The following WDPCP variants were observed in gnomAD, a reference collection of about 807,000 sequenced individuals.
WDPCP encodes the protein WD repeat-containing and planar cell polarity effector protein fritz homolog.
In WDPCP, 71 loss-of-function variants were observed where a neutral mutation model predicts 93.1. That is an observed-to-expected ratio of 0.76 (90% CI 0.63 to 0.93). The LOEUF is 0.93. Among genes scored for constraint, WDPCP ranks in the 40% least tolerant of loss-of-function variants. The pLI is 0.00. For missense variants in WDPCP, 844 were observed against 887.4 expected, an observed-to-expected ratio of 0.95 and a Z score of 0.62; for synonymous variants, 315 against 315.0, an observed-to-expected ratio of 1.00 and a Z score of 0.00.
intron 13 of WDPCP, among the ~76,000 whole-genome samples, chr2:63,277,375 A>C (rs928145374): frequency 6.6e-6 from 1 of 152,256 alleles, no homozygotes; most frequent in Non-Finnish European, 1.5e-5. Flanking sequence ...AACAAACAGC[A>C]TGATGAATAG....
chr2:63,656,366 G>A (rs1011674301), intron 2 of WDPCP, among the ~76,000 whole-genome samples: 4 of 152,326 alleles, frequency 2.6e-5, no homozygotes, highest in African/African-American at 9.6e-5. Flanking sequence ...TGGTGGCTTG[G>A]AAGTCACAGA....
intron 3 of WDPCP, chr2:63,605,471 C>A: frequency 9.7e-7 from 1 of 1,030,916 alleles, no homozygotes; most frequent in Non-Finnish European, 1.5e-6. Context: ...AGAATATAGC[C>A]TTAGCAGTCA....
chr2:63,315,564 G>A (rs1686572174), intron 12 of WDPCP, among the ~76,000 whole-genome samples: 1 of 151,914 alleles, frequency 6.6e-6, no homozygotes, highest in South Asian at 2.1e-4. Flanking sequence ...AACAAATTTA[G>A]ATCTCCATGG....
chr2:63,244,145 G>A (rs533294702), intron 14 of WDPCP, among the ~76,000 whole-genome samples: 1 of 152,212 alleles, frequency 6.6e-6, no homozygotes, highest in African/African-American at 2.4e-5. Context: ...GGGCATTAAG[G>A]CAGAAATCAA....
rs369799786 is a variant in WDPCP, at chr2:63,313,368, G to A, written c.1749-57C>T. The A allele has an allele frequency of 4.0e-6, 6 of 1,507,982 alleles. No individual in the cohort carries two copies. The African/African-American group carries it at 8.3e-5, about 21-fold the overall frequency. The allele number at this position is 1,507,982 out of a possible 1,614,324, so 93.4% of individuals were successfully genotyped here. A position where few individuals can be genotyped will look rare whatever the true frequency, so the allele number is the denominator to read the frequency against. ...GTGAACAAGAATATATAAAAGAAAA[G>A]AGCTGTTTATTTAACATATATCTGT... On this transcript the variant is annotated intron_variant, in intron 12 of 17. Coordinates refer to ENST00000272321, the MANE Select transcript of WDPCP (RefSeq NM_015910.7).
chr2:63,719,396 T>C (rs1348613560), intron 2 of WDPCP, among the ~76,000 whole-genome samples: 1 of 152,110 alleles, frequency 6.6e-6, no homozygotes, highest in Non-Finnish European at 1.5e-5. Context: ...TCTGATTTGA[T>C]AGTACCAAGC....
chr2:63,371,175 A>G (rs1032481093), intron 12 of WDPCP, among the ~76,000 whole-genome samples: 7 of 152,058 alleles, frequency 4.6e-5, no homozygotes, highest in East Asian at 1.9e-4. Context: ...TGTTTTTCCA[A>G]TTGCTCAGGT....
At chr2:63,474,646 A>T (rs1699868620) in intron 6 of WDPCP, among the ~76,000 whole-genome samples, 1 of 152,136 alleles carries the variant, frequency 6.6e-6, no homozygotes, top group Admixed American at 6.6e-5. Context: ...TCTGTATCTG[A>T]GAGGGATGGG....
intron 2 of WDPCP, among the ~76,000 whole-genome samples, chr2:63,761,391 G>T (rs573305243): frequency 3.2e-4 from 48 of 152,036 alleles, no homozygotes; most frequent in Non-Finnish European, 6.0e-4. Context: ...TCTAGCCTTT[G>T]GCATCCTGTT....
At chr2:63,494,544 G>A (rs1701100202) in intron 1 of WDPCP, among the ~76,000 whole-genome samples, 5 of 152,166 alleles carry the variant, frequency 3.3e-5, no homozygotes, top group African/African-American at 1.2e-4. Context: ...TAGCTCCGGA[G>A]TCTGTTTGCA....
intron 14 of WDPCP, among the ~76,000 whole-genome samples, chr2:63,247,596 T>G (rs574679665): frequency 1.3e-5 from 2 of 151,654 alleles, no homozygotes; most frequent in East Asian, 3.9e-4. Flanking sequence ...TCAGGCTATG[T>G]GTGTAAGGTG....
At chr2:63,794,012 A>C (rs577221439) in intron 2 of WDPCP, among the ~76,000 whole-genome samples, 4 of 152,074 alleles carry the variant, frequency 2.6e-5, no homozygotes, top group Non-Finnish European at 5.9e-5. Context: ...CAACTATTGA[A>C]TCATATATAC....
At chr2:63,488,286 A>G (rs1700685581) in intron 2 of WDPCP, among the ~76,000 whole-genome samples, 1 of 152,112 alleles carries the variant, frequency 6.6e-6, no homozygotes, top group Non-Finnish European at 1.5e-5. Context: ...GTTTCTAAAG[A>G]GGTGGAAGCA....
chr2:63,715,899 C>A (rs1459135773), intron 2 of WDPCP, among the ~76,000 whole-genome samples: 2 of 152,168 alleles, frequency 1.3e-5, no homozygotes, highest in African/African-American at 4.8e-5. Context: ...AAAAGAAAGA[C>A]ATGGTATAGG....
At chr2:63,408,319 G>A (rs1423455461) in intron 9 of WDPCP, among the ~76,000 whole-genome samples, 2 of 152,168 alleles carry the variant, frequency 1.3e-5, no homozygotes, top group Non-Finnish European at 2.9e-5. Flanking sequence ...CCCCAGAATG[G>A]AGAAACTGAA....
rs1289323323 is a variant in WDPCP, at chr2:63,484,491, C to T, written c.384+113G>A. On this transcript the variant is annotated intron_variant, in intron 6 of 17. Coordinates refer to ENST00000272321, the MANE Select transcript of WDPCP (RefSeq NM_015910.7). ...AACTAGAATTCAAACTATGAAATAA[C>T]CACTGCTAAAAAAGTTTTTGTCCAT... The T allele has an allele frequency of 3.5e-6, 4 of 1,145,822 alleles. No individual in the cohort carries two copies. In the Admixed American group the frequency reaches 5.8e-5, roughly 17 times the overall value. 71.0% of individuals were successfully genotyped at this position (1,145,822 alleles called of 1,614,324 possible).
chr2:63,733,614 G>A (rs1489720832), intron 2 of WDPCP, among the ~76,000 whole-genome samples: 1 of 152,222 alleles, frequency 6.6e-6, no homozygotes, highest in African/African-American at 2.4e-5. Context: ...ATAAAACACA[G>A]TGACTAGCAA....
At chr2:63,368,325 T>TA (rs11440057) in intron 12 of WDPCP, among the ~76,000 whole-genome samples, 6,624 of 75,210 alleles carry the variant, frequency 0.088, 210 homozygotes, top group Middle Eastern at 0.22. Flanking sequence ...TTTATTTATT[T>TA]ATTTATTTAT....
At chr2:63,697,534 T>C (rs1004276171) in intron 2 of WDPCP, among the ~76,000 whole-genome samples, 2 of 152,302 alleles carry the variant, frequency 1.3e-5, no homozygotes, top group South Asian at 2.1e-4. Flanking sequence ...AAAGAAAATT[T>C]GTTGTGTTGC....
Sources: gnomAD v4.1 joint callset for allele counts (sites outside exome capture counted in the v4.1 genomes callset) on GRCh38, gnomAD v4.1.1 for gene constraint, MANE v1.5 for transcripts, NCBI Gene and HGNC (gene_info 2026-07-23, HGNC 2026-07-21) for gene names.